Variants in C13orf46 observed in about 807,000 individuals in gnomAD.
The protein encoded by C13orf46 is uncharacterized protein C13orf46.
rs2052602945 is a variant in C13orf46 at position 113,963,247 on chromosome 13, C to CCCTGTCCTCAGCCTCGG, written c.572+1679_572+1680insCCGAGGCTGAGGACAGG. On this transcript the variant is annotated intron_variant, in intron 6 of 6. Coordinates refer to ENST00000636427, the MANE Select transcript of C13orf46 (RefSeq NM_001365455.2). The stretch of plus-strand genomic sequence containing the variant: ...GCCTCGGCCCCTGTCCTCAGCCTCG[C>CCCTGTCCTCAGCCTCGG]CCCTGTCCTCAGCCTCGGCCCTGTC... Among the ~76,000 whole-genome samples, 27 of 97,466 alleles carry CCCTGTCCTCAGCCTCGG rather than the reference C, an allele frequency of 2.8e-4. No homozygotes were observed. In the East Asian group the frequency reaches 4.9e-3, roughly 18 times the overall value. 63.9% of individuals were successfully genotyped at this position (97,466 alleles called of 152,430 possible).
the C13orf46 span, among the ~76,000 whole-genome samples, chr13:113,931,423 G>C: frequency 1.5e-4 from 23 of 152,326 alleles, no homozygotes; most frequent in African/African-American, 4.8e-4. Flanking sequence ...GAGAGGCTCA[G>C]GTCTTGAGTT....
chr13:113,942,468 G>A, the C13orf46 span, among the ~76,000 whole-genome samples: 32 of 152,236 alleles, frequency 2.1e-4, no homozygotes, highest in South Asian at 4.1e-4. Flanking sequence ...GAAGGACGGC[G>A]ATTTGACCAG....
downstream of C13orf46, among the ~76,000 whole-genome samples, chr13:113,949,790 C>T (rs1274279872): frequency 6.6e-6 from 1 of 152,068 alleles, no homozygotes; most frequent in Non-Finnish European, 1.5e-5. Context: ...TCTCAGGCAC[C>T]TTGGTGCTCC....
intron 6 of C13orf46, among the ~76,000 whole-genome samples, chr13:113,957,763 C>T (rs1277703010): frequency 1.0e-4 from 14 of 137,944 alleles, no homozygotes; most frequent in South Asian, 9.7e-4. Flanking sequence ...TCATCAAGCG[C>T]ACTGGGAGTT....
chr13:113,961,414 C>A lies in C13orf46; in HGVS notation c.572+3513G>T, dbSNP rs1485049875. Among the ~76,000 whole-genome samples, 4 of 151,466 alleles carry A rather than the reference C, an allele frequency of 2.6e-5. No homozygotes were observed. The East Asian group carries it at 7.8e-4, about 29-fold the overall frequency. On this transcript the variant is annotated intron_variant, in intron 6 of 6. Coordinates refer to ENST00000636427, the MANE Select transcript of C13orf46 (RefSeq NM_001365455.2). The stretch of plus-strand genomic sequence containing the variant: ...TGAAAATGTATAGAAGCTGGGCAGT[C>A]CTGATGTGACACTGTCAGTCATGAT...
At chr13:113,943,889 G>A in the C13orf46 span, among the ~76,000 whole-genome samples, 3 of 152,168 alleles carry the variant, frequency 2.0e-5, no homozygotes, top group Non-Finnish European at 2.9e-5. Context: ...CCCTGCACCC[G>A]GCTGGCACAT....
the C13orf46 span, among the ~76,000 whole-genome samples, chr13:113,937,949 A>T: frequency 6.6e-6 from 1 of 151,984 alleles, no homozygotes; most frequent in Non-Finnish European, 1.5e-5. Context: ...TCCACAAGGA[A>T]TTTCTTTGTG....
intron 5 of C13orf46, among the ~76,000 whole-genome samples, chr13:113,966,179 GAT>G (rs2052644604): frequency 4.0e-5 from 3 of 75,178 alleles, no homozygotes; most frequent in South Asian, 4.6e-4. Context: ...TGGTGATGAT[GAT>G]GATGGTGATG....
At chr13:113,970,527 CAT>C (rs1485272818) in intron 1 of C13orf46, 2 of 152,360 alleles carry the variant, frequency 1.3e-5, no homozygotes, top group East Asian at 3.8e-4. Flanking sequence ...ACAGTAAACA[CAT>C]GAGGCTCCGG....
chr13:113,960,258 A>AC (rs2052576921), intron 6 of C13orf46, among the ~76,000 whole-genome samples: 1 of 151,894 alleles, frequency 6.6e-6, no homozygotes, highest in South Asian at 2.1e-4. Flanking sequence ...TCTGTCTCAA[A>AC]AAAAAAGATT....
chr13:113,929,791 C>T, the C13orf46 span, among the ~76,000 whole-genome samples: 50 of 152,204 alleles, frequency 3.3e-4, no homozygotes, highest in Admixed American at 8.5e-4. Context: ...CCTGGAGTCC[C>T]GGAGCATCCC....
At chr13:113,969,452 C>G (rs36141828) in intron 2 of C13orf46, among the ~76,000 whole-genome samples, 106,554 of 152,166 alleles carry the variant, frequency 0.7, 38,181 homozygotes, top group African/African-American at 0.86. Flanking sequence ...CCGCACACAT[C>G]CTGTCTAACA....
the C13orf46 span, among the ~76,000 whole-genome samples, chr13:113,942,495 C>T: frequency 6.6e-6 from 1 of 152,196 alleles, no homozygotes; most frequent in Non-Finnish European, 1.5e-5. Flanking sequence ...CGGCAGACAC[C>T]ACCTGGACCT....
chr13:113,935,540 A>G, the C13orf46 span, among the ~76,000 whole-genome samples: 1 of 152,200 alleles, frequency 6.6e-6, no homozygotes, highest in Non-Finnish European at 1.5e-5. Flanking sequence ...TTGTCCTCTT[A>G]AATATCTCCC....
chr13:113,967,513 C>T (rs2052661770), intron 4 of C13orf46, 125 bp from the exon 5 acceptor site: 1 of 152,292 alleles, frequency 6.6e-6, no homozygotes, highest in African/African-American at 2.4e-5. Context: ...TGGTGATGAC[C>T]ATCAGGTCCC....
Position 113,970,201 on chromosome 13 carries a change from T to A in C13orf46, c.212A>T (p.Asp71Val), listed in dbSNP as rs2052689367. The change falls in exon 2 of 7, where the codon GAC becomes GTC. Residue 71 changes from aspartate to valine, a missense_variant. Coordinates refer to ENST00000636427, the MANE Select transcript of C13orf46 (RefSeq NM_001365455.2). ...KELESEDQGKDPSSNAEDASC... is the reference protein window; with the variant it reads ...KELESEDQGKVPSSNAEDASC... ...GGCATCTTCCGCGTTACTGCTTGGG[T>A]CTTTCCCTTGATCTTCGGACTCTGG... is the stretch of plus-strand genomic sequence containing the variant. The A allele has an allele frequency of 6.6e-6, 1 of 152,028 alleles. No homozygotes were observed. Among genetic ancestry groups the A allele is most frequent in the Admixed American group, 6.6e-5 (1 of 15,258 alleles). The allele number at this position is 152,028 out of a possible 1,614,324, so 9.4% of individuals were successfully genotyped here. A position where few individuals can be genotyped will look rare whatever the true frequency, so the allele number is the denominator to read the frequency against.
intron 6 of C13orf46, among the ~76,000 whole-genome samples, chr13:113,958,074 CACTCTGT>C (rs2052556280): frequency 6.8e-6 from 1 of 146,888 alleles, no homozygotes; most frequent in Non-Finnish European, 1.5e-5. Flanking sequence ...GTCTCCCCTG[CACTCTGT>C]ATGCACCCCC....
rs2052524873 is a variant in C13orf46 at position 113,955,807 on chromosome 13, C to CA, written c.*965_*966insT. 1.7e-5 allele frequency: 2 copies of CA among 115,980 alleles called. No individual in the cohort carries two copies. The highest frequency in any genetic ancestry group is 3.3e-5 in the African/African-American group (1 of 30,462). 7.2% of individuals were successfully genotyped at this position (115,980 alleles called of 1,614,324 possible). A position where few individuals can be genotyped will look rare whatever the true frequency, so the allele number is the denominator to read the frequency against. On this transcript the variant is annotated 3_prime_UTR_variant, in exon 7 of 7. Coordinates refer to ENST00000636427, the MANE Select transcript of C13orf46 (RefSeq NM_001365455.2). Reference sequence around the variant, plus strand: ...GCCGGCGGAGACGAGGAGCAGCCGGCGGAGACGAGGAGCAGCCGGTGGAGA... The same window carrying CA: ...GCCGGCGGAGACGAGGAGCAGCCGGCAGGAGACGAGGAGCAGCCGGTGGAGA...
the C13orf46 span, among the ~76,000 whole-genome samples, chr13:113,934,328 C>T: frequency 5.3e-5 from 8 of 152,274 alleles, no homozygotes; most frequent in African/African-American, 9.6e-5. Context: ...AATTTCTCTG[C>T]GATAAATGCC....
Sources: gnomAD v4.1 joint callset for allele counts (sites outside exome capture counted in the v4.1 genomes callset) on GRCh38, gnomAD v4.1.1 for gene constraint, MANE v1.5 for transcripts, NCBI Gene and HGNC (gene_info 2026-07-23, HGNC 2026-07-21) for gene names.